TEX11: variants seen among roughly 807,000 people sequenced by gnomAD.
TEX11 encodes the protein testis expressed 11, also known as testis-expressed protein 11.
Under a neutral mutation model 84.4 loss-of-function variants are expected in TEX11, and 7 were observed. The ratio of observed to expected loss-of-function variants is 0.08; its 90% CI spans 0.05 to 0.16. The LOEUF is 0.16. Among genes scored for constraint, TEX11 ranks in the 10% least tolerant of loss-of-function variants. TEX11 has a pLI of 1.00. For synonymous variants in TEX11, 264 were observed against 222.8 expected, an observed-to-expected ratio of 1.18 and a Z score of -1.64; for missense variants, 551 against 660.5, an observed-to-expected ratio of 0.83 and a Z score of 1.82.
At chrX:70,534,090 C>CAAAAAAA (rs1168310559) in intron 28 of TEX11, among the ~76,000 whole-genome samples, 1 of 21,730 alleles carries the variant, frequency 4.6e-5, no homozygotes, top group Non-Finnish European at 7.2e-5. Context: ...GACTCCATCT[C>CAAAAAAA]AAAAAAAAAA....
At chrX:70,788,264 T>C (rs975466898) in intron 9 of TEX11, among the ~76,000 whole-genome samples, 1 of 111,723 alleles carries the variant, frequency 9.0e-6, no homozygotes, top group Non-Finnish European at 1.9e-5. Flanking sequence ...TTTCAAACTA[T>C]ATTACAAAGC....
At chrX:70,792,635 A>G (rs1344673030) in intron 9 of TEX11, among the ~76,000 whole-genome samples, 6 of 109,147 alleles carry the variant, frequency 5.5e-5, no homozygotes, top group African/African-American at 1.0e-4. Flanking sequence ...AATAAACAAG[A>G]TTCACAGACT....
the TEX11 span, among the ~76,000 whole-genome samples, chrX:70,521,168 G>T: frequency 1.8e-5 from 2 of 111,444 alleles, no homozygotes; most frequent in Non-Finnish European, 3.8e-5. Context: ...CAGTCCCAAT[G>T]AGATGAACCA....
intron 23 of TEX11, among the ~76,000 whole-genome samples, chrX:70,606,074 A>G (rs1171001397): frequency 1.8e-5 from 2 of 112,553 alleles, no homozygotes; most frequent in Non-Finnish European, 3.8e-5. Flanking sequence ...TGCCAAAACT[A>G]AAACCAATTT....
At chrX:70,624,126 T>G in intron 19 of TEX11, 120 bp from the exon 20 acceptor site, 1 of 381,391 alleles carries the variant, frequency 2.6e-6, no homozygotes, top group Non-Finnish European at 4.5e-6. Flanking sequence ...AAAGAGAGGG[T>G]AAAGGGGAGA....
downstream of TEX11, among the ~76,000 whole-genome samples, chrX:70,527,429 T>TA (rs1184095249): frequency 1.8e-5 from 2 of 111,697 alleles, no homozygotes; most frequent in Non-Finnish European, 3.8e-5. Context: ...AGCTAATCAT[T>TA]AGGAAACATC....
At chrX:70,654,080 G>C (rs1391754081) in intron 16 of TEX11, among the ~76,000 whole-genome samples, 2 of 111,611 alleles carry the variant, frequency 1.8e-5, no homozygotes, top group Admixed American at 1.9e-4. Context: ...GAACTATTCT[G>C]TATGGTATTA....
At chrX:70,577,759 C>CTTTTTTTTTTTTTTTTTTTTTTTTG (rs1213364344) in intron 25 of TEX11, among the ~76,000 whole-genome samples, 1 of 96,633 alleles carries the variant, frequency 1.0e-5, no homozygotes, top group African/African-American at 3.6e-5. Flanking sequence ...GAGACAGTCT[C>CTTTTTTTTTTTTTTTTTTTTTTTTG]ACTCTGTCAC....
chrX:70,514,868 G>A, the TEX11 span, among the ~76,000 whole-genome samples: 1 of 110,812 alleles, frequency 9.0e-6, no homozygotes, highest in Non-Finnish European at 1.9e-5. Flanking sequence ...AGGAGTTCGA[G>A]ACTAGCTTGG....
intron 7 of TEX11, among the ~76,000 whole-genome samples, chrX:70,838,303 C>T (rs991140484): frequency 9.0e-6 from 1 of 110,762 alleles, no homozygotes; most frequent in Non-Finnish European, 1.9e-5. Flanking sequence ...TCTGTAGTCC[C>T]AGCTAGCTAC....
At chrX:70,727,361 T>A (rs1032762998) in intron 11 of TEX11, among the ~76,000 whole-genome samples, 6 of 111,917 alleles carry the variant, frequency 5.4e-5, no homozygotes, top group African/African-American at 1.9e-4. Context: ...CATGAGTATA[T>A]AAACATATGT....
rs375284139 is a variant in TEX11 at position 70,843,872 on chromosome X, C to T, written c.525+9162G>A. 2.9e-4 allele frequency among the ~76,000 whole-genome samples: 32 copies of T among 111,921 alleles called. No individual in the cohort carries two copies. In the East Asian group the frequency reaches 7.8e-3, roughly 27 times the overall value. ...AAACACATGAAAAAATGCTCATCATCACTGGCCATCAGAGAAATGCAAATC... is the reference window on the plus strand; with the variant it reads ...AAACACATGAAAAAATGCTCATCATTACTGGCCATCAGAGAAATGCAAATC... On this transcript the variant is annotated intron_variant, in intron 7 of 29. Transcript: ENST00000374333.
intron 16 of TEX11, among the ~76,000 whole-genome samples, chrX:70,668,659 A>ATTAATACCAT (rs1414518748): frequency 1.8e-5 from 2 of 112,370 alleles, no homozygotes; most frequent in African/African-American, 6.5e-5. Flanking sequence ...TAACCTCACT[A>ATTAATACCAT]TTAATACCAT....
chrX:70,855,039 C>A (rs772263157), intron 5 of TEX11, among the ~76,000 whole-genome samples: 1 of 110,115 alleles, frequency 9.1e-6, no homozygotes. Flanking sequence ...CAGAGCAAGA[C>A]CCTGTCTCAA....
chrX:70,728,398 G>T (rs866963015), intron 11 of TEX11, among the ~76,000 whole-genome samples: 3 of 113,094 alleles, frequency 2.7e-5, no homozygotes, highest in African/African-American at 9.6e-5. Flanking sequence ...AGGGGTCAGG[G>T]AATTCCCTTT....
intron 11 of TEX11, among the ~76,000 whole-genome samples, chrX:70,730,001 T>C (rs2090632850): frequency 8.9e-6 from 1 of 112,118 alleles, no homozygotes; most frequent in Non-Finnish European, 1.9e-5. Flanking sequence ...TGGGGGCCAA[T>C]ATTCAACATT....
intron 2 of TEX11, among the ~76,000 whole-genome samples, chrX:70,900,395 A>AGAAGAAGAAG (rs376406004): frequency 3.3e-5 from 2 of 60,085 alleles, no homozygotes; most frequent in East Asian, 1.1e-3. Flanking sequence ...AAAAAAAAAA[A>AGAAGAAGAAG]AAGAAGAAGA....
the TEX11 span, among the ~76,000 whole-genome samples, chrX:70,515,271 C>G: frequency 9.3e-6 from 1 of 107,041 alleles, no homozygotes; most frequent in Admixed American, 1.0e-4. Flanking sequence ...CTCCTCCACC[C>G]CCCCCCACCC....
chrX:70,847,580 A>G (rs1326168637), intron 7 of TEX11, among the ~76,000 whole-genome samples: 1 of 110,880 alleles, frequency 9.0e-6, no homozygotes, highest in Non-Finnish European at 1.9e-5. Flanking sequence ...AAAGACAGGG[A>G]TTCACTCTAT....
Sources: allele counts gnomAD v4.1 joint callset (sites outside exome capture counted in the v4.1 genomes callset), GRCh38; gene constraint gnomAD v4.1.1; transcripts MANE v1.5; gene names NCBI Gene and HGNC (gene_info 2026-07-23, HGNC 2026-07-21).